SORCS3: variants seen among roughly 807,000 people sequenced by gnomAD.
SORCS3 encodes the protein sortilin related VPS10 domain containing receptor 3.
SORCS3 carries 57 observed loss-of-function variants against 146.3 expected under a neutral mutation model. The observed-to-expected ratio is 0.39, with a 90% CI of 0.31 to 0.49. The LOEUF (loss-of-function observed/expected upper bound fraction) is 0.49. Among genes scored for constraint, SORCS3 ranks in the 20% least tolerant of loss-of-function variants. The probability of loss-of-function intolerance (pLI) is 0.92; values close to 1 mark genes in which losing one functional copy is unlikely to be tolerated. For synonymous variants in SORCS3, 653 were observed against 618.5 expected, an observed-to-expected ratio of 1.06 and a Z score of -0.83; for missense variants, 1,341 against 1,575.5, an observed-to-expected ratio of 0.85 and a Z score of 2.52.
chr10:105,147,605 A>G lies in SORCS3; in HGVS notation c.1303-12A>G, dbSNP rs781337472. 1.0e-5 allele frequency: 16 copies of G among 1,598,784 alleles called. No individual in the cohort carries two copies. Among genetic ancestry groups the G allele is most frequent in the Non-Finnish European group, 1.3e-5 (15 of 1,170,996 alleles). On this transcript the variant is annotated splice_polypyrimidine_tract_variant and intron_variant, in intron 8 of 26. Transcript: ENST00000369701. ...AGATCTGCTGCCTTACAAGCCTTCC[A>G]TCTTCTTTCAGGACATGCACATCAT...
intron 1 of SORCS3, among the ~76,000 whole-genome samples, chr10:104,664,042 C>G (rs568059801): frequency 6.6e-6 from 1 of 152,246 alleles, no homozygotes; most frequent in South Asian, 2.1e-4. Context: ...ATGAAATTAT[C>G]TGGGCTCAGG....
At chr10:104,842,697 G>A in intron 1 of SORCS3, 95 bp from the exon 2 acceptor site, 1 of 908,830 alleles carries the variant, frequency 1.1e-6, no homozygotes, top group Non-Finnish European at 1.8e-6. Context: ...TGGGTGATAG[G>A]AGATGCATTA....
chr10:104,876,749 T>TC (rs200268784), intron 2 of SORCS3, among the ~76,000 whole-genome samples: 1 of 123,502 alleles, frequency 8.1e-6, no homozygotes, highest in Admixed American at 8.3e-5. Flanking sequence ...CTTCCTTCCT[T>TC]TCTTTCTTTC....
intron 7 of SORCS3, among the ~76,000 whole-genome samples, 154 bp from the exon 8 acceptor site, chr10:105,139,243 G>A (rs1252282010): frequency 6.6e-6 from 1 of 152,200 alleles, no homozygotes; most frequent in Non-Finnish European, 1.5e-5. Flanking sequence ...GCAACTCAGA[G>A]TGCCATGGGA....
At chr10:104,977,046 A>T (rs1000884230) in intron 3 of SORCS3, among the ~76,000 whole-genome samples, 1 of 151,938 alleles carries the variant, frequency 6.6e-6, no homozygotes, top group African/African-American at 2.4e-5. Context: ...ATACCCTAAA[A>T]CTTGAAGTAT....
chr10:104,848,988 C>A (rs1177219757), intron 2 of SORCS3, among the ~76,000 whole-genome samples: 1 of 152,202 alleles, frequency 6.6e-6, no homozygotes, highest in African/African-American at 2.4e-5. Flanking sequence ...TACCACCCCA[C>A]TTCATTCCAT....
chr10:105,090,269 G>T (rs1219258127), intron 6 of SORCS3, among the ~76,000 whole-genome samples: 1 of 152,042 alleles, frequency 6.6e-6, no homozygotes. Flanking sequence ...TCATCCATTC[G>T]AGATATTTAG....
intron 5 of SORCS3, among the ~76,000 whole-genome samples, chr10:105,069,446 C>G (rs1338683517): frequency 3.3e-5 from 5 of 152,188 alleles, no homozygotes; most frequent in Non-Finnish European, 5.9e-5. Flanking sequence ...CTTCAGTTTC[C>G]TCATCAGCCT....
At chr10:104,975,274 G>A (rs1023157868) in intron 3 of SORCS3, among the ~76,000 whole-genome samples, 12 of 152,012 alleles carry the variant, frequency 7.9e-5, no homozygotes, top group African/African-American at 1.9e-4. Flanking sequence ...TAACAGACAA[G>A]CAGAGAGCCA....
At chr10:104,899,846 A>G (rs931468382) in intron 2 of SORCS3, among the ~76,000 whole-genome samples, 1 of 152,052 alleles carries the variant, frequency 6.6e-6, no homozygotes, top group Non-Finnish European at 1.5e-5. Context: ...TTACTCATCC[A>G]TTAGCTGCCA....
At chr10:105,178,468 T>C (rs1477144541) in intron 14 of SORCS3, among the ~76,000 whole-genome samples, 1 of 152,146 alleles carries the variant, frequency 6.6e-6, no homozygotes, top group Non-Finnish European at 1.5e-5. Flanking sequence ...ACTTATGTCG[T>C]TAGATGGTTT....
intron 3 of SORCS3, among the ~76,000 whole-genome samples, chr10:104,927,591 A>T (rs578020702): frequency 6.6e-6 from 1 of 152,296 alleles, no homozygotes; most frequent in South Asian, 2.1e-4. Context: ...TAAAAAGAAG[A>T]CAGCAAGCTG....
intron 1 of SORCS3, among the ~76,000 whole-genome samples, chr10:104,780,137 GT>G (rs72352792): frequency 1.2e-4 from 18 of 145,420 alleles, no homozygotes; most frequent in Admixed American, 2.7e-4. Flanking sequence ...AGAGGAGGCA[GT>G]TTTTTTTTTT....
rs2017646822 is a variant in SORCS3 at position 104,803,425 on chromosome 10, G to A, written c.628-39367G>A. 2.0e-5 allele frequency among the ~76,000 whole-genome samples: 3 copies of A among 152,286 alleles called. No homozygotes were observed. The South Asian group carries it at 6.2e-4, about 32-fold the overall frequency. On this transcript the variant is annotated intron_variant, in intron 1 of 26. Coordinates refer to ENST00000369701, the MANE Select transcript of SORCS3 (RefSeq NM_014978.3). ...TTTCTCTCAGGAGCTGCCTGTAGGG[G>A]AATGGAGAGGCTGTGGGCTGAGCAC... is the stretch of plus-strand genomic sequence containing the variant.
Position 105,167,230 on chromosome 10 carries a change from ATTGTTGTTG to A in SORCS3, c.1810-13_1810-5del, listed in dbSNP as rs576495900. 2 of 1,485,314 alleles carry A rather than the reference ATTGTTGTTG, an allele frequency of 1.3e-6. No homozygotes were observed. The highest frequency in any genetic ancestry group is 1.9e-6 in the Non-Finnish European group (2 of 1,064,702). 92.0% of individuals were successfully genotyped at this position (1,485,314 alleles called of 1,614,324 possible). A position where few individuals can be genotyped will look rare whatever the true frequency, so the allele number is the denominator to read the frequency against. On this transcript the variant is annotated intron_variant, in intron 12 of 26. Transcript: ENST00000369701. Reference sequence around the variant, plus strand: ...TATGCAAATGTAAGGTGTTGCTATGATTGTTGTTGTTGTTGTTGTTGTTCCAGATCTTTG... The same window carrying A: ...TATGCAAATGTAAGGTGTTGCTATGATTGTTGTTGTTGTTCCAGATCTTTG...
rs1039570121 is a variant in SORCS3 at position 104,818,507 on chromosome 10, C to T, written c.628-24285C>T. On this transcript the variant is annotated intron_variant, in intron 1 of 26. Transcript: ENST00000369701. Reference sequence around the variant, plus strand: ...TAGACTCGGGGAGAGGTGGATGGAGCCTCCCTTCAAAAGAAGAGATATGAA... The same window carrying T: ...TAGACTCGGGGAGAGGTGGATGGAGTCTCCCTTCAAAAGAAGAGATATGAA... 1.3e-4 allele frequency among the ~76,000 whole-genome samples: 20 copies of T among 151,804 alleles called. 1 individual carries two copies. Among genetic ancestry groups the T allele is most frequent in the African/African-American group, 4.8e-4 (20 of 41,318 alleles).
chr10:105,245,507 C>A (rs528444213), intron 20 of SORCS3, 35 bp from the exon 21 acceptor site: 2 of 1,611,820 alleles, frequency 1.2e-6, no homozygotes, highest in South Asian at 1.1e-5. Flanking sequence ...ATATCCCACA[C>A]AAGACTGAAT....
chr10:105,235,090 T>C (rs2056785714), intron 20 of SORCS3, among the ~76,000 whole-genome samples: 1 of 152,078 alleles, frequency 6.6e-6, no homozygotes, highest in Middle Eastern at 3.2e-3. Flanking sequence ...ATCCCTCAGG[T>C]TGATTAGATT....
intron 7 of SORCS3, among the ~76,000 whole-genome samples, chr10:105,125,137 A>C: frequency 6.6e-6 from 1 of 152,194 alleles, no homozygotes. Context: ...AGTACTTGTG[A>C]AGTTGATTGA....
Sources: allele counts gnomAD v4.1 joint callset (sites outside exome capture counted in the v4.1 genomes callset), GRCh38; gene constraint gnomAD v4.1.1; transcripts MANE v1.5; gene names NCBI Gene and HGNC (gene_info 2026-07-23, HGNC 2026-07-21).